BICC1: variants seen among roughly 807,000 people sequenced by gnomAD.
The protein encoded by BICC1 is BicC family RNA binding protein 1.
In BICC1, 43 loss-of-function variants were observed where a neutral mutation model predicts 111.0. That is an observed-to-expected ratio of 0.39 (90% CI 0.30 to 0.50). The LOEUF (loss-of-function observed/expected upper bound fraction) is 0.50, where lower values mean the gene tolerates loss of function less well. BICC1 is among the 20% of genes least tolerant of loss of function. The pLI, the probability that BICC1 is intolerant of heterozygous loss-of-function variation, is 0.88. For synonymous variants in BICC1, 467 were observed against 434.4 expected, an observed-to-expected ratio of 1.07 and a Z score of -0.93; for missense variants, 1,091 against 1,203.2, an observed-to-expected ratio of 0.91 and a Z score of 1.38.
intron 18 of BICC1, among the ~76,000 whole-genome samples, chr10:58,815,545 C>T (rs1451906428): frequency 1.3e-5 from 2 of 152,076 alleles, no homozygotes; most frequent in African/African-American, 4.8e-5. Flanking sequence ...ATTAAATTGA[C>T]TGTACTACTC....
At chr10:58,653,246 G>T (rs1838508966) in intron 2 of BICC1, among the ~76,000 whole-genome samples, 1 of 152,166 alleles carries the variant, frequency 6.6e-6, no homozygotes, top group African/African-American at 2.4e-5. Context: ...GAGATGGGCA[G>T]AAGCAAACAC....
At chr10:58,733,941 A>G (rs1841394236) in intron 3 of BICC1, among the ~76,000 whole-genome samples, 1 of 152,188 alleles carries the variant, frequency 6.6e-6, no homozygotes, top group Non-Finnish European at 1.5e-5. Context: ...CTCACTGTAA[A>G]CATCTCAGAT....
chr10:58,644,660 C>T (rs779507065), intron 2 of BICC1, among the ~76,000 whole-genome samples: 18 of 152,074 alleles, frequency 1.2e-4, no homozygotes, highest in Non-Finnish European at 2.4e-4. Context: ...CTTGTTTTAA[C>T]TTTTTAAATG....
chr10:58,680,990 A>G (rs1839503109), intron 2 of BICC1, among the ~76,000 whole-genome samples: 1 of 152,170 alleles, frequency 6.6e-6, no homozygotes, highest in African/African-American at 2.4e-5. Context: ...TTGAAACTGG[A>G]CCCCTTCCTT....
intron 2 of BICC1, among the ~76,000 whole-genome samples, chr10:58,688,513 G>A (rs553701218): frequency 3.9e-5 from 6 of 151,962 alleles, no homozygotes; most frequent in South Asian, 4.2e-4. Flanking sequence ...ACCTCTCACC[G>A]GCAATCTCAT....
intron 1 of BICC1, among the ~76,000 whole-genome samples, chr10:58,533,686 G>A (rs905286894): frequency 6.6e-6 from 1 of 151,754 alleles, no homozygotes; most frequent in Non-Finnish European, 1.5e-5. Context: ...AATTGTTAAA[G>A]GGAGTTTTTC....
intron 1 of BICC1, among the ~76,000 whole-genome samples, chr10:58,616,438 G>C (rs1363878314): frequency 6.6e-6 from 1 of 152,210 alleles, no homozygotes; most frequent in Non-Finnish European, 1.5e-5. Context: ...TGCACAACCT[G>C]GTCCCACCTG....
At position 58,602,973 on chromosome 10, in the gene BICC1, T is replaced by G. The variant is rs568866603; in HGVS notation, c.191-17882T>G. Among the ~76,000 whole-genome samples the G allele has an allele frequency of 3.3e-5, 5 of 152,298 alleles. No individual in the cohort carries two copies. In the East Asian group the frequency reaches 9.6e-4, roughly 29 times the overall value. Reference sequence around the variant, plus strand: ...TTCCACTGGACACCTGCTGATTTACTTTAGCACTTCAGGCCTCTTTTAATG... The same window carrying G: ...TTCCACTGGACACCTGCTGATTTACGTTAGCACTTCAGGCCTCTTTTAATG... On this transcript the variant is annotated intron_variant, in intron 1 of 20. Coordinates refer to ENST00000373886, the MANE Select transcript of BICC1 (RefSeq NM_001080512.3).
chr10:58,758,712 G>A lies in BICC1; in HGVS notation c.308-26289G>A, dbSNP rs1176939161. ...TAAGTCTAAGATAATGAAACAAATGGCACTAACTTTTTTTATTTTTTACTT... is the reference window on the plus strand; with the variant it reads ...TAAGTCTAAGATAATGAAACAAATGACACTAACTTTTTTTATTTTTTACTT... On this transcript the variant is annotated intron_variant, in intron 3 of 20. Transcript: ENST00000373886. Among the ~76,000 whole-genome samples, 5 of 152,168 alleles carry A rather than the reference G, an allele frequency of 3.3e-5. 1 individual carries two copies. Among genetic ancestry groups the A allele is most frequent in the Admixed American group, 2.6e-4 (4 of 15,278 alleles).
chr10:58,630,740 C>T (rs1041786634), intron 2 of BICC1, among the ~76,000 whole-genome samples: 1 of 152,090 alleles, frequency 6.6e-6, no homozygotes, highest in Non-Finnish European at 1.5e-5. Context: ...CCCTTTTCTT[C>T]AAAGGGTTTA....
intron 4 of BICC1, among the ~76,000 whole-genome samples, chr10:58,786,465 T>C (rs1330666116): frequency 1.3e-5 from 2 of 152,314 alleles, no homozygotes; most frequent in East Asian, 3.9e-4. Flanking sequence ...CTAAAAACTT[T>C]CTTATTCACA....
intron 2 of BICC1, among the ~76,000 whole-genome samples, chr10:58,685,111 CT>C (rs1470692627): frequency 9.2e-5 from 14 of 152,112 alleles, no homozygotes; most frequent in Admixed American, 8.5e-4. Context: ...TTATTTCTGC[CT>C]TCATTTTGTT....
intron 2 of BICC1, among the ~76,000 whole-genome samples, chr10:58,694,518 A>G (rs896120184): frequency 6.6e-6 from 1 of 152,198 alleles, no homozygotes; most frequent in African/African-American, 2.4e-5. Context: ...TGGGTTTTCA[A>G]CCAAGCTGTG....
At chr10:58,808,426 T>C (rs1025613303) in intron 17 of BICC1, among the ~76,000 whole-genome samples, 4 of 152,192 alleles carry the variant, frequency 2.6e-5, no homozygotes, top group African/African-American at 9.6e-5. Flanking sequence ...GTGTGCCAGA[T>C]TGTTGACTGT....
intron 2 of BICC1, chr10:58,648,506 C>T (rs989230046): frequency 1.5e-5 from 15 of 984,914 alleles, no homozygotes; most frequent in African/African-American, 3.5e-5. Context: ...CCACTCCACT[C>T]GGACTTAGTG....
At chr10:58,524,796 T>C (rs1280980608) in intron 1 of BICC1, among the ~76,000 whole-genome samples, 2 of 152,058 alleles carry the variant, frequency 1.3e-5, no homozygotes, top group African/African-American at 4.8e-5. Context: ...GGGAAAAAAT[T>C]TTTGCAATCT....
At chr10:58,701,563 G>A (rs563917274) in intron 2 of BICC1, among the ~76,000 whole-genome samples, 22 of 152,220 alleles carry the variant, frequency 1.4e-4, no homozygotes, top group Admixed American at 3.9e-4. Flanking sequence ...ACGTGATGTC[G>A]CGTTTAGAGG....
intron 2 of BICC1, among the ~76,000 whole-genome samples, chr10:58,638,135 G>T (rs763947605): frequency 3.9e-5 from 6 of 152,108 alleles, no homozygotes; most frequent in Non-Finnish European, 7.4e-5. Context: ...TGACTTTTAA[G>T]TCTAGGTGGT....
At chr10:58,710,373 C>T (rs1385771829) in intron 3 of BICC1, among the ~76,000 whole-genome samples, 1 of 152,162 alleles carries the variant, frequency 6.6e-6, no homozygotes, top group African/African-American at 2.4e-5. Context: ...TCTTCAGCAA[C>T]CATTGCCAAG....
Sources: allele counts gnomAD v4.1 joint callset (sites outside exome capture counted in the v4.1 genomes callset), GRCh38; gene constraint gnomAD v4.1.1; transcripts MANE v1.5; gene names NCBI Gene and HGNC (gene_info 2026-07-23, HGNC 2026-07-21).